The following GATA3 variants were observed in gnomAD, a reference collection of about 807,000 sequenced individuals.
GATA3 encodes the protein trans-acting T-cell-specific transcription factor GATA-3.
In GATA3, 6 loss-of-function variants were observed where a neutral mutation model predicts 36.0. The observed-to-expected ratio is 0.17, with a 90% CI of 0.09 to 0.33. GATA3 has a LOEUF of 0.33. Ranked by LOEUF, GATA3 falls within the 10% of genes least tolerant of loss-of-function variation. GATA3 has a pLI of 1.00. For synonymous variants in GATA3, 326 were observed against 273.0 expected (o/e 1.19, Z -1.92); for missense variants, 514 against 610.1 (o/e 0.84, Z 1.66).
At position 8,058,647 on chromosome 10, in the gene GATA3, A is replaced by G. The variant is rs770279603; in HGVS notation, c.584A>G (p.Lys195Arg). ...KYQVPLPDSM[K>R]LESSHSRGSM... ...CAGGTGCCCCTGCCCGACAGCATGA[A>G]GCTGGAGTCGTCCCACTCCCGTGGC... is the stretch of plus-strand genomic sequence containing the variant. The change falls in exon 3 of 6, where the codon AAG becomes AGG. Residue 195 changes from lysine to arginine, a missense_variant. Transcript: ENST00000379328. The G allele has an allele frequency of 1.4e-5, 22 of 1,612,930 alleles. No homozygotes were observed. Among genetic ancestry groups the G allele is most frequent in the Non-Finnish European group, 1.7e-5 (20 of 1,179,954 alleles).
chr10:8,072,417 C>T (rs543258078), intron 5 of GATA3, among the ~76,000 whole-genome samples: 1 of 152,342 alleles, frequency 6.6e-6, no homozygotes, highest in East Asian at 1.9e-4. Context: ...CCACCCTCCC[C>T]TGGGAACATG....
chr10:8,062,023 C>G (rs386680), intron 3 of GATA3, among the ~76,000 whole-genome samples: 94,301 of 151,802 alleles, frequency 0.62, 29,273 homozygotes, highest in South Asian at 0.68. Context: ...CAGCCACCAG[C>G]GACACAAAAA....
chr10:8,061,038 G>A (rs1832738819), intron 3 of GATA3, among the ~76,000 whole-genome samples: 1 of 151,280 alleles, frequency 6.6e-6, no homozygotes, highest in South Asian at 2.1e-4. Flanking sequence ...GAATTCTTCA[G>A]GAGGGGATTC....
chr10:8,063,709 C>G (rs1832786304), intron 3 of GATA3, among the ~76,000 whole-genome samples: 1 of 152,194 alleles, frequency 6.6e-6, no homozygotes, highest in Non-Finnish European at 1.5e-5. Flanking sequence ...GCCCGATCTT[C>G]TCCATCAAGT....
At chr10:8,061,098 C>CT (rs1832741654) in intron 3 of GATA3, among the ~76,000 whole-genome samples, 1 of 103,004 alleles carries the variant, frequency 9.7e-6, no homozygotes, top group African/African-American at 3.2e-5. Context: ...TCTTTTTTAC[C>CT]CCTTTAACCT....
rs2131490824 is a variant in GATA3, at chr10:8,058,730, C to T, written c.667C>T (p.Pro223Ser). 1.2e-6 allele frequency: 2 copies of T among 1,612,550 alleles called. No homozygotes were observed. The highest frequency in any genetic ancestry group is 1.1e-5 in the South Asian group (1 of 91,076). ...SSTHHPITTY[P>S]PYVPEYSSGL... ...GACCCACCACCCCATCACCACCTAC[C>T]CGCCCTACGTGCCCGAGTACAGCTC... Residue 223 changes from proline to serine, a missense_variant, in exon 3 of 6, where the codon CCG becomes TCG. Coordinates refer to ENST00000379328, the MANE Select transcript of GATA3 (RefSeq NM_001002295.2).
upstream of GATA3, chr10:8,053,559 T>C (rs1026394216): frequency 6.6e-6 from 1 of 151,504 alleles, no homozygotes; most frequent in Non-Finnish European, 1.5e-5. The surrounding 1 kb of genome is among the most constrained non-coding windows in gnomAD (Gnocchi z 5.1). Flanking sequence ...CGCCCGCTGA[T>C]TGGTCCCTCC....
chr10:8,058,887 C>G (rs772585940), intron 3 of GATA3, 46 bp downstream of exon 3: 26 of 1,578,328 alleles, frequency 1.6e-5, no homozygotes, highest in Non-Finnish European at 2.2e-5. Context: ...CCCTCCTCCC[C>G]TTTTCCTCAA....
chr10:8,069,304 G>A (rs1393232074), intron 4 of GATA3, among the ~76,000 whole-genome samples, 169 bp from the exon 5 acceptor site: 6 of 151,782 alleles, frequency 4.0e-5, no homozygotes, highest in African/African-American at 9.7e-5. Context: ...TTTTCTTCTC[G>A]AGGCAGCTTT....
chr10:8,045,500 G>T (rs1188219855), exon 1 of GATA3: 4 of 152,318 alleles, frequency 2.6e-5, no homozygotes, highest in Non-Finnish European at 5.9e-5. Flanking sequence ...CTGGCCCTCG[G>T]GAGCGAGCTG....
At chr10:8,073,051 A>T (rs1212611286) in intron 5 of GATA3, among the ~76,000 whole-genome samples, 1 of 149,242 alleles carries the variant, frequency 6.7e-6, no homozygotes, top group East Asian at 2.0e-4. Context: ...AGGCTGAGGC[A>T]GGAGAATTGC....
At chr10:8,069,636 C>A (rs2131512616) in intron 5 of GATA3, 38 bp downstream of exon 5, 1 of 1,612,860 alleles carries the variant, frequency 6.2e-7, no homozygotes, top group Non-Finnish European at 8.5e-7. Context: ...GGGCTCGCTT[C>A]CTGATGGTGA....
At chr10:8,051,885 C>A (rs1385290712), upstream of GATA3, among the ~76,000 whole-genome samples, 1 of 152,188 alleles carries the variant, frequency 6.6e-6, no homozygotes, top group Non-Finnish European at 1.5e-5. Context: ...CGCGCCGCAG[C>A]CTCTCCAGCC....
intron 2 of GATA3, among the ~76,000 whole-genome samples, chr10:8,056,800 A>T (rs1832647316): frequency 6.6e-6 from 1 of 152,120 alleles, no homozygotes. Flanking sequence ...AAATGTAAAA[A>T]AAGAAGACCA....
upstream of GATA3, chr10:8,053,582 C>T (rs1379130757): frequency 6.6e-6 from 1 of 152,214 alleles, no homozygotes; most frequent in Non-Finnish European, 1.5e-5. The surrounding 1 kb of genome is among the most constrained non-coding windows in gnomAD (Gnocchi z 5.1). Flanking sequence ...GCCCCGCCCC[C>T]GCTCGCCCCG....
chr10:8,056,026 C>T, intron 2 of GATA3, 130 bp downstream of exon 2: 2 of 1,307,906 alleles, frequency 1.5e-6, no homozygotes, highest in Non-Finnish European at 2.1e-6. Context: ...GGTTCATTTA[C>T]AAAAAAATTG....
intron 3 of GATA3, 102 bp downstream of exon 3, chr10:8,058,943 C>G (rs1832702140): frequency 2.8e-6 from 3 of 1,074,334 alleles, no homozygotes; most frequent in African/African-American, 1.6e-5. Flanking sequence ...CCGGGGTGTC[C>G]CAAAGCCTGC....
upstream of GATA3, among the ~76,000 whole-genome samples, chr10:8,054,047 C>A (rs1160274713): frequency 6.6e-6 from 1 of 152,184 alleles, no homozygotes; most frequent in Non-Finnish European, 1.5e-5. This position sits in a 1 kb window ranked among gnomAD's most constrained non-coding sequence, Gnocchi z 4.2. Flanking sequence ...AAAGAGGTGA[C>A]AATGACAACA....
In GATA3 at chr10:8,064,178, C is replaced by A. The variant is rs2664917; in HGVS notation, c.924+40C>A. Reference sequence around the variant, plus strand: ...AGGGATGGATTCCATGCTGACCATTCTGGGTTTCTCATTTCCTCTCTTCCG... The same window carrying A: ...AGGGATGGATTCCATGCTGACCATTATGGGTTTCTCATTTCCTCTCTTCCG... On this transcript the variant is annotated intron_variant, in intron 4 of 5. Transcript: ENST00000379328. The A allele has an allele frequency of 1.9e-6, 3 of 1,613,242 alleles. No individual in the cohort carries two copies. In the East Asian group the frequency reaches 6.7e-5, roughly 36 times the overall value.
Sources: gnomAD v4.1 joint callset for allele counts (sites outside exome capture counted in the v4.1 genomes callset) on GRCh38, gnomAD v4.1.1 for gene constraint, Gnocchi (gnomAD v3.1) non-coding constraint, MANE v1.5 for transcripts, NCBI Gene and HGNC (gene_info 2026-07-23, HGNC 2026-07-21) for gene names.